The following ADCY4 variants were observed in gnomAD, a reference collection of about 807,000 sequenced individuals.
ADCY4 encodes adenylate cyclase 4.
ADCY4 carries 111 observed loss-of-function variants against 125.5 expected under a neutral mutation model. The observed-to-expected ratio is 0.88, with a 90% CI of 0.76 to 1.04. The LOEUF (loss-of-function observed/expected upper bound fraction) is 1.04. ADCY4 is among the 50% of genes least tolerant of loss of function. The probability of loss-of-function intolerance (pLI) is 0.00; values close to 1 mark genes in which losing one functional copy is unlikely to be tolerated. For missense variants in ADCY4, 1,256 were observed against 1,382.9 expected (o/e 0.91, Z 1.46); for synonymous variants, 576 against 586.9 (o/e 0.98, Z 0.27).
At position 24,334,973 on chromosome 14, in the gene ADCY4, C is replaced by T. The variant is rs1021937573; in HGVS notation, c.-321G>A. On this transcript the variant is annotated 5_prime_UTR_variant, in exon 1 of 25. Transcript: ENST00000418030. ...GAGGGAGCCCCGGGTTCCCCTGATC[C>T]CCGAACTCACTGCCCGCGGCGCTGG... 4.3e-6 allele frequency: 1 copy of T among 235,062 alleles called. No individual in the cohort carries two copies. The highest frequency in any genetic ancestry group is 8.2e-6 in the Non-Finnish European group (1 of 121,564). The allele number at this position is 235,062 out of a possible 1,614,324, so 14.6% of individuals were successfully genotyped here.
At position 24,331,888 on chromosome 14, in the gene ADCY4, T is replaced by A; in HGVS notation, c.569A>T (p.Tyr190Phe). The A allele has an allele frequency of 3.8e-6, 6 of 1,597,448 alleles. No homozygotes were observed. Among genetic ancestry groups the A allele is most frequent in the Non-Finnish European group, 5.1e-6 (6 of 1,167,610 alleles). ...GGCGCGCTCCATCAGCGCCTTGTGG[T>A]ACACTCCTGCCACGTTCCCGCACAG... Reference protein sequence around the residue: ...LFLCGNVAGVYHKALMERALR... With the variant: ...LFLCGNVAGVFHKALMERALR... The change falls in exon 4 of 25, where the codon TAC (tyrosine) becomes TTC (phenylalanine). Residue 190 changes from tyrosine (Y) to phenylalanine (F), a missense_variant. Transcript: ENST00000418030.
In ADCY4 at chr14:24,319,648, G is replaced by T; in HGVS notation, c.2733+94C>A. ...AGGGAGTACTGTGGAGGGGAGGATT[G>T]ACTTCATGGCCAGAAAAGCAAAGTG... On this transcript the variant is annotated intron_variant, in intron 21 of 24. Transcript: ENST00000418030. The surrounding 1 kb of genome is among the most constrained non-coding windows in gnomAD (Gnocchi z 4.5). 2 of 1,518,024 alleles carry T rather than the reference G, an allele frequency of 1.3e-6. No individual in the cohort carries two copies. Among genetic ancestry groups the T allele is most frequent in the South Asian group, 1.1e-5 (1 of 87,450 alleles). 94.0% of individuals were successfully genotyped at this position (1,518,024 alleles called of 1,614,324 possible). A position where few individuals can be genotyped will look rare whatever the true frequency, so the allele number is the denominator to read the frequency against.
intron 14 of ADCY4, 133 bp from the exon 15 acceptor site, chr14:24,324,524 C>T (rs562905197): frequency 1.2e-4 from 118 of 999,674 alleles, no homozygotes; most frequent in Admixed American, 4.0e-4. Flanking sequence ...GATGGGGTCC[C>T]GGCTGATAGA....
intron 14 of ADCY4, 111 bp from the exon 15 acceptor site, chr14:24,324,502 G>A: frequency 7.7e-7 from 1 of 1,293,994 alleles, no homozygotes; most frequent in Middle Eastern, 2.2e-4. Flanking sequence ...TGGGGAATCT[G>A]GGTTGGCTGG....
intron 2 of ADCY4, 34 bp downstream of exon 2, chr14:24,332,757 C>T: frequency 2.0e-6 from 3 of 1,530,872 alleles, no homozygotes; most frequent in Non-Finnish European, 2.6e-6. Context: ...GAAGCCCGGG[C>T]CGTCCCCGCT....
Position 24,322,263 on chromosome 14 carries a change from C to T in ADCY4, c.2428-39G>A, listed in dbSNP as rs112742471. 4,834 of 1,584,352 alleles carry T rather than the reference C, an allele frequency of 3.1e-3. 13 individuals are homozygous for T. Among genetic ancestry groups the T allele is most frequent in the Non-Finnish European group, 4.0e-3 (4,645 of 1,162,230 alleles). ...CCCGGGGCCATGGGGAGACACAGAGCAGGGGAAGCCCAGCTCCTGAGTGTT... is the reference window on the plus strand; with the variant it reads ...CCCGGGGCCATGGGGAGACACAGAGTAGGGGAAGCCCAGCTCCTGAGTGTT... On this transcript the variant is annotated intron_variant, in intron 19 of 24. Transcript: ENST00000418030.
chr14:24,319,732 G>A lies in ADCY4; in HGVS notation c.2733+10C>T, dbSNP rs2332321. The stretch of plus-strand genomic sequence containing the variant: ...GGACATAGGGTCTGGGAGACTCTTG[G>A]AATTTTCACCTCATCAAAATCAGCA... On this transcript the variant is annotated intron_variant, in intron 21 of 24. Transcript: ENST00000418030. The surrounding 1 kb of genome is among the most constrained non-coding windows in gnomAD (Gnocchi z 4.5). 3.1e-3 allele frequency: 5,000 copies of A among 1,614,006 alleles called. 148 individuals are homozygous for A. The African/African-American group carries it at 0.061, about 20-fold the overall frequency.
rs1174487676 is a variant in ADCY4, at chr14:24,326,157, G to T, written c.1577C>A (p.Thr526Asn). 1.9e-6 allele frequency: 3 copies of T among 1,598,024 alleles called. No homozygotes were observed. Among genetic ancestry groups the T allele is most frequent in the South Asian group, 1.1e-5 (1 of 89,850 alleles). Reference sequence around the variant, plus strand: ...CAGTTCATCATCTAGTCCCCGGGGGGTACGGCTCCTGCACAGTGAGAGCCA... The same window carrying T: ...CAGTTCATCATCTAGTCCCCGGGGGTTACGGCTCCTGCACAGTGAGAGCCA... Reference protein sequence around the residue: ...STQWSLDRSRTPRGLDDELDT... With the variant: ...STQWSLDRSRNPRGLDDELDT... The change falls in exon 12 of 25, where the codon ACC becomes AAC. Residue 526 changes from threonine (T) to asparagine (N), a missense_variant. Transcript: ENST00000418030.
In ADCY4 at chr14:24,325,891, G is replaced by T; in HGVS notation, c.1656-4C>A. ...GTCCTTCGACTGCTTCCACTGTCTGGTGGGAGGTGGGAGGGTGGGTGAAAG... is the reference window on the plus strand; with the variant it reads ...GTCCTTCGACTGCTTCCACTGTCTGTTGGGAGGTGGGAGGGTGGGTGAAAG... On this transcript the variant is annotated splice_region_variant and splice_polypyrimidine_tract_variant and intron_variant, in intron 12 of 24. Coordinates refer to ENST00000418030, the MANE Select transcript of ADCY4 (RefSeq NM_001198568.2). 1 of 1,583,748 alleles carries T rather than the reference G, an allele frequency of 6.3e-7. No homozygotes were observed. Among genetic ancestry groups the T allele is most frequent in the East Asian group, 2.3e-5 (1 of 44,298 alleles).
At chr14:24,332,146 C>T in intron 3 of ADCY4, 1 of 558,796 alleles carries the variant, frequency 1.8e-6, no homozygotes, top group Non-Finnish European at 2.8e-6. Context: ...GCTTCACCAA[C>T]ACGACCTCTT....
At chr14:24,326,031 T>C (rs55970272) in intron 12 of ADCY4, 48 bp downstream of exon 12, 1,558,835 of 1,578,244 alleles carry the variant, frequency 0.99, 771,621 homozygotes, top group East Asian at 1. Flanking sequence ...TTCTCCACCA[T>C]ATGACCTCAG....
In ADCY4 at chr14:24,318,793, G is replaced by A. The variant is rs371208394; in HGVS notation, c.2957-15C>T. On this transcript the variant is annotated splice_polypyrimidine_tract_variant and intron_variant, in intron 23 of 24. Coordinates refer to ENST00000418030, the MANE Select transcript of ADCY4 (RefSeq NM_001198568.2). ...ATGGTTCAACCCTAATGAGGGATGT[G>A]GTAATGACAGACTTGGAGAAGGAAG... The A allele has an allele frequency of 8.1e-6, 13 of 1,613,852 alleles. No individual in the cohort carries two copies. Among genetic ancestry groups the A allele is most frequent in the Non-Finnish European group, 8.5e-6 (10 of 1,179,922 alleles).
intron 20 of ADCY4, among the ~76,000 whole-genome samples, chr14:24,320,100 G>T (rs1248213553): frequency 1.3e-5 from 2 of 152,194 alleles, no homozygotes; most frequent in Non-Finnish European, 2.9e-5. Flanking sequence ...AGAGACAGAG[G>T]TTTGGCGTTA....
At chr14:24,329,297 C>A (rs11626704) in intron 9 of ADCY4, 63 bp from the exon 10 acceptor site, 32 of 1,587,118 alleles carry the variant, frequency 2.0e-5, no homozygotes, top group Middle Eastern at 1.7e-4. Context: ...CTCCACCCCC[C>A]ACTAGGACCC....
chr14:24,331,056 GCATGAGCAC>G lies in ADCY4; in HGVS notation c.883_891del (p.Val295_Met297del). On this transcript the variant is annotated inframe_deletion, in exon 6 of 25. Coordinates refer to ENST00000418030, the MANE Select transcript of ADCY4 (RefSeq NM_001198568.2). Reference sequence around the variant, plus strand: ...TCGAACTTGCCAAAGAGCTCATTGAGCATGAGCACCAGCTCCTTAGGGGAACACTCGCTG... The same window carrying G: ...TCGAACTTGCCAAAGAGCTCATTGAGCAGCTCCTTAGGGGAACACTCGCTG... 1 of 1,612,980 alleles carries G rather than the reference GCATGAGCAC, an allele frequency of 6.2e-7. No individual in the cohort carries two copies. Among genetic ancestry groups the G allele is most frequent in the Non-Finnish European group, 8.5e-7 (1 of 1,179,148 alleles).
In ADCY4 at chr14:24,319,761, A is replaced by T; in HGVS notation, c.2714T>A (p.Ile905Lys). Residue 905 changes from isoleucine (I) to lysine (K), a missense_variant, in exon 21 of 25, where the codon ATA becomes AAA. Coordinates refer to ENST00000418030, the MANE Select transcript of ADCY4 (RefSeq NM_001198568.2). The surrounding 1 kb of genome is among the most constrained non-coding windows in gnomAD (Gnocchi z 4.5). ...TTTCACCTCATCAAAATCAGCAATTATCTCATTGAGCAGCCTCAGACACTC... is the reference window on the plus strand; with the variant it reads ...TTTCACCTCATCAAAATCAGCAATTTTCTCATTGAGCAGCCTCAGACACTC... ...GLECLRLLNE[I>K]IADFDELLSK... 1 of 1,614,186 alleles carries T rather than the reference A, an allele frequency of 6.2e-7. No individual in the cohort carries two copies. Among genetic ancestry groups the T allele is most frequent in the South Asian group, 1.1e-5 (1 of 91,086 alleles).
intron 17 of ADCY4, 84 bp downstream of exon 17, chr14:24,323,260 G>T (rs2041884703): frequency 1.8e-5 from 26 of 1,431,992 alleles, no homozygotes; most frequent in Non-Finnish European, 2.4e-5. Context: ...CCACAGAATG[G>T]AGCGTTCCTC....
chr14:24,331,520 A>G, intron 4 of ADCY4, 164 bp from the exon 5 acceptor site: 1 of 988,468 alleles, frequency 1.0e-6, no homozygotes, highest in South Asian at 1.7e-5. Flanking sequence ...TCCATCCTAC[A>G]CTGATCACCT....
At chr14:24,331,462 A>C (rs527343459) in intron 4 of ADCY4, 106 bp from the exon 5 acceptor site, 1 of 1,491,314 alleles carries the variant, frequency 6.7e-7, no homozygotes, top group Non-Finnish European at 9.0e-7. Context: ...GGTGCTCCCC[A>C]GGGTGCTCCC....
Sources: allele counts gnomAD v4.1 joint callset (sites outside exome capture counted in the v4.1 genomes callset), GRCh38; gene constraint gnomAD v4.1.1; non-coding constraint Gnocchi (gnomAD v3.1); transcripts MANE v1.5; gene names NCBI Gene and HGNC (gene_info 2026-07-23, HGNC 2026-07-21).